OCA2: variants seen among roughly 807,000 people sequenced by gnomAD.
The protein encoded by OCA2 is P protein.
OCA2 carries 77 observed loss-of-function variants against 100.2 expected under a neutral mutation model. That is an observed-to-expected ratio of 0.77 (90% CI 0.64 to 0.93). The LOEUF (loss-of-function observed/expected upper bound fraction) is 0.93. Among genes scored for constraint, OCA2 ranks in the 40% least tolerant of loss-of-function variants. The pLI, the probability that OCA2 is intolerant of heterozygous loss-of-function variation, is 0.00. For missense variants in OCA2, 1,062 were observed against 1,089.1 expected (o/e 0.98, Z 0.35); for synonymous variants, 432 against 439.2 (o/e 0.98, Z 0.21).
At chr15:28,037,500 G>A (rs1251821276) in intron 2 of OCA2, among the ~76,000 whole-genome samples, 1 of 152,066 alleles carries the variant, frequency 6.6e-6, no homozygotes, top group Non-Finnish European at 1.5e-5. Context: ...TTCTACTTGG[G>A]GCCCTTCACT....
rs546919580 is a variant in OCA2, at chr15:27,820,890, C to T, written c.2432+24069G>A. Among the ~76,000 whole-genome samples the T allele has an allele frequency of 7.9e-5, 12 of 152,286 alleles. 1 individual carries two copies. The South Asian group carries it at 1.9e-3, about 24-fold the overall frequency. On this transcript the variant is annotated intron_variant, in intron 23 of 23. Transcript: ENST00000354638. The stretch of plus-strand genomic sequence containing the variant: ...GGGATTAACCACCTACTAAACATTT[C>T]AAGGGCTATAATATTTGTCATCAAG...
intron 12 of OCA2, 83 bp downstream of exon 12, chr15:27,986,504 T>A: frequency 1.0e-6 from 1 of 958,622 alleles, no homozygotes. Context: ...GTTTTAAATG[T>A]TTGTTTCCTA....
intron 21 of OCA2, among the ~76,000 whole-genome samples, chr15:27,866,903 G>A (rs72710558): frequency 0.23 from 34,631 of 152,146 alleles, 5,002 homozygotes; most frequent in East Asian, 0.56. Flanking sequence ...CCAGAGGCCA[G>A]TCTGGAGAAT....
At chr15:27,849,000 C>A (rs950717661) in intron 22 of OCA2, among the ~76,000 whole-genome samples, 1 of 151,398 alleles carries the variant, frequency 6.6e-6, no homozygotes, top group Non-Finnish European at 1.5e-5. Flanking sequence ...GTGAACACAG[C>A]CACGTGCTGC....
intron 2 of OCA2, among the ~76,000 whole-genome samples, chr15:28,041,443 G>A (rs1366116805): frequency 6.6e-6 from 1 of 152,162 alleles, no homozygotes; most frequent in Non-Finnish European, 1.5e-5. Flanking sequence ...AAGACTGAAA[G>A]CTTTTCCCCT....
At chr15:27,802,535 T>C (rs1159914456) in intron 23 of OCA2, among the ~76,000 whole-genome samples, 1 of 152,104 alleles carries the variant, frequency 6.6e-6, no homozygotes, top group African/African-American at 2.4e-5. Flanking sequence ...TATAAAGAAA[T>C]GATACTACCT....
In OCA2 at chr15:27,957,842, C is replaced by CGAGACG. The variant is rs2040281337; in HGVS notation, c.1637-113_1637-108dup. The CGAGACG allele has an allele frequency of 2.2e-6, 3 of 1,369,898 alleles. No individual in the cohort carries two copies. Among genetic ancestry groups the CGAGACG allele is most frequent in the Admixed American group, 3.7e-5 (2 of 54,500 alleles). The allele number at this position is 1,369,898 out of a possible 1,614,324, so 84.9% of individuals were successfully genotyped here. ...ATGCCTGACAGAGCAGACACACACT[C>CGAGACG]GAGACGTGCAGGTAGCCCAGGGTCA... On this transcript the variant is annotated intron_variant, in intron 15 of 23. Coordinates refer to ENST00000354638, the MANE Select transcript of OCA2 (RefSeq NM_000275.3). The surrounding 1 kb of genome is among the most constrained non-coding windows in gnomAD (Gnocchi z 4.3).
chr15:27,961,189 T>G (rs573167686), intron 15 of OCA2, among the ~76,000 whole-genome samples: 2 of 151,838 alleles, frequency 1.3e-5, no homozygotes, highest in Non-Finnish European at 1.5e-5. Flanking sequence ...CCAACAAACA[T>G]ATGAAAAAAA....
At chr15:27,721,469 G>A in the OCA2 span, among the ~76,000 whole-genome samples, 2 of 151,512 alleles carry the variant, frequency 1.3e-5, no homozygotes, top group African/African-American at 4.8e-5. Flanking sequence ...ATTTTAATGA[G>A]TAACATTAAA....
intron 23 of OCA2, among the ~76,000 whole-genome samples, chr15:27,790,524 G>A (rs926008485): frequency 1.8e-4 from 28 of 152,180 alleles, no homozygotes; most frequent in Non-Finnish European, 2.9e-5. Flanking sequence ...ATGGTAGGTG[G>A]AGGAAACTGG....
Position 27,957,773 on chromosome 15 carries a change from A to T in OCA2, c.1637-38T>A. The T allele has an allele frequency of 6.2e-7, 1 of 1,612,146 alleles. No homozygotes were observed. Among genetic ancestry groups the T allele is most frequent in the South Asian group, 1.1e-5 (1 of 91,042 alleles). On this transcript the variant is annotated intron_variant, in intron 15 of 23. Coordinates refer to ENST00000354638, the MANE Select transcript of OCA2 (RefSeq NM_000275.3). This position sits in a 1 kb window ranked among gnomAD's most constrained non-coding sequence, Gnocchi z 4.3. Reference sequence around the variant, plus strand: ...GAAGGCGAAGCTTGGGTCTCCCATGACCTCAGATATCAGCAACACCCTCCT... The same window carrying T: ...GAAGGCGAAGCTTGGGTCTCCCATGTCCTCAGATATCAGCAACACCCTCCT...
intron 11 of OCA2, among the ~76,000 whole-genome samples, chr15:27,987,690 C>T (rs1255894838): frequency 3.3e-5 from 5 of 152,014 alleles, no homozygotes; most frequent in Non-Finnish European, 7.4e-5. Flanking sequence ...GATCACGCCA[C>T]TGCACTCCAG....
intron 2 of OCA2, among the ~76,000 whole-genome samples, chr15:28,077,349 G>A (rs1000445401): frequency 1.1e-4 from 16 of 152,128 alleles, no homozygotes; most frequent in East Asian, 3.9e-4. Context: ...ATGAGCCACC[G>A]CACCCAGCCC....
At chr15:27,776,192 T>A (rs1193597353) in intron 23 of OCA2, among the ~76,000 whole-genome samples, 1 of 152,244 alleles carries the variant, frequency 6.6e-6, no homozygotes, top group Non-Finnish European at 1.5e-5. Context: ...CTTGCTGCGG[T>A]TCCGGCCCAT....
chr15:27,826,302 A>G (rs1254236428), intron 23 of OCA2, among the ~76,000 whole-genome samples: 1 of 152,284 alleles, frequency 6.6e-6, no homozygotes, highest in African/African-American at 2.4e-5. Flanking sequence ...ATGAGGCAGC[A>G]GTTGATTGCA....
rs965907142 is a variant in OCA2 at position 28,081,714 on chromosome 15, C to T, written c.161G>A (p.Gly54Glu). 24 of 1,613,792 alleles carry T rather than the reference C, an allele frequency of 1.5e-5. No homozygotes were observed. Among genetic ancestry groups the T allele is most frequent in the Non-Finnish European group, 1.9e-5 (23 of 1,179,954 alleles). Residue 54 changes from glycine (G) to glutamate (E), a missense_variant, in exon 2 of 24, where the codon GGG (glycine) becomes GAG (glutamate). Coordinates refer to ENST00000354638, the MANE Select transcript of OCA2 (RefSeq NM_000275.3). ...GADPSHSCPR[G>E]AAGQSSWAPA... ...AGCCCAAGAGCTCTGCCCGGCAGCC[C>T]CCCTGGGGCAGGAGTGCGAGGGGTC... is the stretch of plus-strand genomic sequence containing the variant.
At chr15:27,901,778 CACA>C (rs2037945802) in intron 19 of OCA2, among the ~76,000 whole-genome samples, 1 of 152,194 alleles carries the variant, frequency 6.6e-6, no homozygotes, top group Non-Finnish European at 1.5e-5. Context: ...GAAATACATG[CACA>C]TGTAAGTCCC....
chr15:27,780,329 C>T (rs768296002), intron 23 of OCA2, among the ~76,000 whole-genome samples: 21 of 152,188 alleles, frequency 1.4e-4, no homozygotes, highest in Non-Finnish European at 2.8e-4. Flanking sequence ...CCTCCCCTGA[C>T]CACAGTTGGC....
chr15:28,065,872 C>T (rs1211914906), intron 2 of OCA2, among the ~76,000 whole-genome samples: 1 of 152,006 alleles, frequency 6.6e-6, no homozygotes, highest in Non-Finnish European at 1.5e-5. Context: ...TGTGATTCTT[C>T]TTAATGATTT....
Sources: gnomAD v4.1 joint callset for allele counts (sites outside exome capture counted in the v4.1 genomes callset) on GRCh38, gnomAD v4.1.1 for gene constraint, Gnocchi (gnomAD v3.1) non-coding constraint, MANE v1.5 for transcripts, NCBI Gene and HGNC (gene_info 2026-07-23, HGNC 2026-07-21) for gene names.